Variants in SAMD12 observed in about 807,000 individuals in gnomAD.
SAMD12 encodes the protein sterile alpha motif domain containing 12, also known as sterile alpha motif domain-containing protein 12.
SAMD12 carries 9 observed loss-of-function variants against 15.0 expected under a neutral mutation model. The observed-to-expected ratio is 0.60, with a 90% CI of 0.36 to 1.05. SAMD12 has a LOEUF of 1.05. SAMD12 is among the 50% of genes least tolerant of loss of function. SAMD12 has a pLI of 0.01. For missense variants in SAMD12, 230 were observed against 234.2 expected (o/e 0.98, Z 0.12); for synonymous variants, 86 against 90.1 (o/e 0.96, Z 0.25).
At chr8:118,428,610 T>C (rs760611699) in intron 3 of SAMD12, among the ~76,000 whole-genome samples, 3 of 152,188 alleles carry the variant, frequency 2.0e-5, no homozygotes, top group Non-Finnish European at 4.4e-5. Flanking sequence ...ATGTTGTGTA[T>C]AGTGTGATGC....
At chr8:118,179,537 CA>C in the SAMD12 span, among the ~76,000 whole-genome samples, 1 of 151,910 alleles carries the variant, frequency 6.6e-6, no homozygotes, top group African/African-American at 2.4e-5. Context: ...ATAGGAGATG[CA>C]GAGGAGTTAA....
At chr8:118,192,098 A>C (rs1819422023) in exon 5 of SAMD12, 1 of 151,052 alleles carries the variant, frequency 6.6e-6, no homozygotes, top group African/African-American at 2.4e-5. Flanking sequence ...CAGCCAGCAA[A>C]TTTTTCTATG....
chr8:118,572,210 T>G (rs1827030829), intron 2 of SAMD12, among the ~76,000 whole-genome samples: 1 of 152,226 alleles, frequency 6.6e-6, no homozygotes, highest in South Asian at 2.1e-4. Flanking sequence ...TTGGCCAATT[T>G]CTCCCATTTG....
chr8:118,446,692 T>A (rs1247414327), intron 2 of SAMD12, among the ~76,000 whole-genome samples: 2 of 152,148 alleles, frequency 1.3e-5, no homozygotes, highest in Non-Finnish European at 2.9e-5. Context: ...AAGTCAGATC[T>A]TCATCATCTT....
the SAMD12 span, among the ~76,000 whole-genome samples, chr8:118,138,756 C>T: frequency 1.3e-5 from 2 of 152,196 alleles, no homozygotes; most frequent in Non-Finnish European, 2.9e-5. Flanking sequence ...GGGCCACTAA[C>T]AAGCTTCAAG....
At position 118,498,305 on chromosome 8, in the gene SAMD12, T is replaced by C. The variant is rs146423606; in HGVS notation, c.193-58344A>G. 3.5e-3 allele frequency among the ~76,000 whole-genome samples: 527 copies of C among 152,328 alleles called. 5 individuals are homozygous for C. The highest frequency in any genetic ancestry group is 0.012 in the African/African-American group (490 of 41,584). ...TCCCTTGAAGACAGGTCCATTATTATGGTATAAAAAATATAGAGAAGAATG... is the reference window on the plus strand; with the variant it reads ...TCCCTTGAAGACAGGTCCATTATTACGGTATAAAAAATATAGAGAAGAATG... On this transcript the variant is annotated intron_variant, in intron 2 of 3. Coordinates refer to ENST00000314727, the MANE Select transcript of SAMD12 (RefSeq NM_207506.3).
intron 2 of SAMD12, among the ~76,000 whole-genome samples, chr8:118,571,063 G>T (rs190738092): frequency 3.9e-5 from 6 of 152,284 alleles, no homozygotes; most frequent in African/African-American, 1.4e-4. Context: ...TCTCAGGTAT[G>T]TCTTAATCAG....
intron 2 of SAMD12, among the ~76,000 whole-genome samples, chr8:118,492,410 T>A (rs1824467383): frequency 6.6e-6 from 1 of 152,180 alleles, no homozygotes; most frequent in Non-Finnish European, 1.5e-5. Context: ...TCTTAGGCTG[T>A]ACAAATAAAG....
At chr8:118,384,804 G>A (rs553320468) in intron 3 of SAMD12, among the ~76,000 whole-genome samples, 8 of 152,188 alleles carry the variant, frequency 5.3e-5, no homozygotes, top group Non-Finnish European at 1.2e-4. Context: ...GACTCTCCTC[G>A]AACCCCAAAG....
chr8:118,328,460 C>T (rs1816662491), intron 4 of SAMD12, among the ~76,000 whole-genome samples: 1 of 152,156 alleles, frequency 6.6e-6, no homozygotes, highest in South Asian at 2.1e-4. Flanking sequence ...AATTATAAAG[C>T]AATTCATTCA....
At chr8:118,384,971 C>A (rs560698189) in intron 3 of SAMD12, among the ~76,000 whole-genome samples, 59 of 152,146 alleles carry the variant, frequency 3.9e-4, no homozygotes, top group African/African-American at 1.3e-3. Flanking sequence ...GAGGCTCGGG[C>A]CAGGGAATAT....
intron 1 of SAMD12, among the ~76,000 whole-genome samples, chr8:118,592,081 G>A (rs1162452017): frequency 1.3e-5 from 2 of 152,164 alleles, no homozygotes; most frequent in Non-Finnish European, 2.9e-5. Context: ...CAGCACTTTG[G>A]GAGGCCAAGG....
intron 3 of SAMD12, among the ~76,000 whole-genome samples, chr8:118,432,256 A>C (rs1822438945): frequency 6.6e-6 from 1 of 152,094 alleles, no homozygotes; most frequent in Non-Finnish European, 1.5e-5. Context: ...TCTGATGATT[A>C]CTTTGTCTCT....
chr8:118,466,569 A>C (rs145778404), intron 2 of SAMD12, among the ~76,000 whole-genome samples: 374 of 152,292 alleles, frequency 2.5e-3, no homozygotes, highest in African/African-American at 8.6e-3. Flanking sequence ...AAAAACACCC[A>C]AGTGGGGTAA....
At chr8:118,142,353 G>A in the SAMD12 span, among the ~76,000 whole-genome samples, 1 of 152,110 alleles carries the variant, frequency 6.6e-6, no homozygotes, top group Non-Finnish European at 1.5e-5. Flanking sequence ...TTGGCTTATA[G>A]CATCTCTAGA....
chr8:118,489,250 C>T lies in SAMD12; in HGVS notation c.193-49289G>A, dbSNP rs569934727. 1.1e-4 allele frequency among the ~76,000 whole-genome samples: 16 copies of T among 152,150 alleles called. No homozygotes were observed. The South Asian group carries it at 3.1e-3, about 30-fold the overall frequency. ...TATATACTCTGGATATAAGTCTTTG[C>T]TGGATTTATGTATTGCAAATATCTT... On this transcript the variant is annotated intron_variant, in intron 2 of 3. Coordinates refer to ENST00000314727, the MANE Select transcript of SAMD12 (RefSeq NM_207506.3).
intron 4 of SAMD12, among the ~76,000 whole-genome samples, chr8:118,228,621 A>G (rs1234408159): frequency 7.5e-6 from 1 of 133,544 alleles, no homozygotes; most frequent in Non-Finnish European, 1.5e-5. Context: ...GGCCATAATC[A>G]AAAAATCAAA....
intron 2 of SAMD12, among the ~76,000 whole-genome samples, chr8:118,577,325 C>A (rs1379366828): frequency 6.6e-6 from 1 of 152,078 alleles, no homozygotes; most frequent in African/African-American, 2.4e-5. Flanking sequence ...TATTATTCTG[C>A]CCAAAATGAA....
At chr8:118,585,514 T>G (rs2131268200) in intron 1 of SAMD12, among the ~76,000 whole-genome samples, 1 of 152,364 alleles carries the variant, frequency 6.6e-6, no homozygotes, top group East Asian at 1.9e-4. Context: ...TTAACTTCCC[T>G]AATACCTCCA....
Sources: gnomAD v4.1 joint callset for allele counts (sites outside exome capture counted in the v4.1 genomes callset) on GRCh38, gnomAD v4.1.1 for gene constraint, MANE v1.5 for transcripts, NCBI Gene and HGNC (gene_info 2026-07-23, HGNC 2026-07-21) for gene names.